FAM3B: variants seen among roughly 807,000 people sequenced by gnomAD.
FAM3B encodes the protein FAM3 metabolism regulating signaling molecule B.
FAM3B carries 29 observed loss-of-function variants against 28.4 expected under a neutral mutation model. That is an observed-to-expected ratio of 1.02 (90% CI 0.76 to 1.39). FAM3B has a LOEUF of 1.39. Among genes scored for constraint, FAM3B ranks in the 40% most tolerant of loss-of-function variants. FAM3B has a pLI of 0.00. For missense variants in FAM3B, 266 were observed against 293.9 expected (o/e 0.91, Z 0.69); for synonymous variants, 91 against 103.0 (o/e 0.88, Z 0.71).
chr21:41,345,830 GTC>G (rs2089053774), intron 5 of FAM3B, 94 bp downstream of exon 5: 1 of 841,724 alleles, frequency 1.2e-6, no homozygotes, highest in Non-Finnish European at 2.0e-6. Context: ...TTTTTATTTT[GTC>G]TACTAGAAAA....
chr21:41,349,238 G>A (rs994567190), intron 7 of FAM3B, among the ~76,000 whole-genome samples: 4 of 152,176 alleles, frequency 2.6e-5, no homozygotes, highest in Non-Finnish European at 5.9e-5. Context: ...AAAGAATGGC[G>A]TTCTCACTTA....
chr21:41,321,400 G>T (rs1219595502), intron 1 of FAM3B, among the ~76,000 whole-genome samples: 2 of 152,210 alleles, frequency 1.3e-5, no homozygotes, highest in African/African-American at 2.4e-5. Flanking sequence ...GCGCCCGCAG[G>T]TGGCTGAGCA....
chr21:41,338,139 G>A (rs577389988), intron 2 of FAM3B, among the ~76,000 whole-genome samples: 23 of 151,686 alleles, frequency 1.5e-4, no homozygotes, highest in Non-Finnish European at 2.8e-4. Flanking sequence ...AAATTGTTAC[G>A]CCTACTCAGT....
At chr21:41,355,741 T>C (rs2089159522) in intron 7 of FAM3B, among the ~76,000 whole-genome samples, 1 of 152,188 alleles carries the variant, frequency 6.6e-6, no homozygotes, top group Non-Finnish European at 1.5e-5. Context: ...TGAAAATGTT[T>C]TAAAATTGAC....
chr21:41,352,076 G>C (rs749686152), intron 7 of FAM3B, among the ~76,000 whole-genome samples: 2 of 152,172 alleles, frequency 1.3e-5, no homozygotes, highest in Non-Finnish European at 2.9e-5. Context: ...CATGGTCTGA[G>C]TCTTGTCTCT....
At position 41,344,415 on chromosome 21, in the gene FAM3B, T is replaced by C. The variant is rs559354467; in HGVS notation, c.288-61T>C. On this transcript the variant is annotated intron_variant, in intron 3 of 7. Transcript: ENST00000357985. ...ACTGACATTTGGTCAGGCGAAGACT[T>C]CGCGGAGCGGGGAGAGTCGCACGCC... 1.6e-4 allele frequency: 231 copies of C among 1,464,452 alleles called. No individual in the cohort carries two copies. In the African/African-American group the frequency reaches 2.7e-3, roughly 17 times the overall value. The allele number at this position is 1,464,452 out of a possible 1,614,324, so 90.7% of individuals were successfully genotyped here.
At chr21:41,327,471 C>G (rs2088863828) in intron 2 of FAM3B, among the ~76,000 whole-genome samples, 1 of 152,194 alleles carries the variant, frequency 6.6e-6, no homozygotes, top group South Asian at 2.1e-4. Context: ...ATATTTATAC[C>G]AGTTTAGTTG....
chr21:41,326,785 T>C lies in FAM3B; in HGVS notation c.163+3719T>C, dbSNP rs117110779. On this transcript the variant is annotated intron_variant, in intron 2 of 7. Transcript: ENST00000357985. The surrounding 1 kb of genome is among the most constrained non-coding windows in gnomAD (Gnocchi z 4.0). ...GGCAGGCCTGTGTAGTAGGCCTGTGTACCCTGAGCCCCAGCCCCTGAGGCA... is the reference window on the plus strand; with the variant it reads ...GGCAGGCCTGTGTAGTAGGCCTGTGCACCCTGAGCCCCAGCCCCTGAGGCA... Among the ~76,000 whole-genome samples, 1,227 of 152,314 alleles carry C rather than the reference T, an allele frequency of 8.1e-3. 9 individuals carry two copies. Among genetic ancestry groups the C allele is most frequent in the African/African-American group, 0.023 (943 of 41,582 alleles).
chr21:41,332,438 G>A (rs540402265), intron 2 of FAM3B, among the ~76,000 whole-genome samples: 2 of 152,194 alleles, frequency 1.3e-5, no homozygotes, highest in South Asian at 4.1e-4. Context: ...ATTTTGTTGA[G>A]GAATTTGGCA....
At chr21:41,329,297 A>T (rs2088883488) in intron 2 of FAM3B, among the ~76,000 whole-genome samples, 1 of 152,208 alleles carries the variant, frequency 6.6e-6, no homozygotes. Context: ...ATTGTGTGTC[A>T]TTTTGATTAG....
At chr21:41,333,192 T>C (rs1327547358) in intron 2 of FAM3B, among the ~76,000 whole-genome samples, 1 of 152,014 alleles carries the variant, frequency 6.6e-6, no homozygotes, top group African/African-American at 2.4e-5. Context: ...CTTTGATCCA[T>C]TAGCCGTTCA....
At chr21:41,335,293 C>A (rs2088945326) in intron 2 of FAM3B, among the ~76,000 whole-genome samples, 1 of 152,092 alleles carries the variant, frequency 6.6e-6, no homozygotes, top group Admixed American at 6.5e-5. Flanking sequence ...GGACCAGGGG[C>A]AAAATGATGT....
intron 7 of FAM3B, among the ~76,000 whole-genome samples, chr21:41,353,847 G>A (rs551910892): frequency 7.2e-5 from 11 of 152,184 alleles, no homozygotes; most frequent in East Asian, 1.9e-4. Flanking sequence ...AGAAACTATC[G>A]AGTAAACAGA....
chr21:41,356,042 C>CAT (rs36028769), intron 7 of FAM3B, among the ~76,000 whole-genome samples: 1,217 of 76,342 alleles, frequency 0.016, 7 homozygotes, highest in African/African-American at 0.042. Context: ...AAAATACATA[C>CAT]ACACACACAC....
chr21:41,317,285 C>T (rs1367458462), intron 1 of FAM3B, among the ~76,000 whole-genome samples: 1 of 149,922 alleles, frequency 6.7e-6, no homozygotes, highest in Non-Finnish European at 1.5e-5. Flanking sequence ...CACGCTTCTC[C>T]TTCCGGGGAA....
intron 1 of FAM3B, among the ~76,000 whole-genome samples, chr21:41,308,540 T>G (rs56321328): frequency 7.3e-6 from 1 of 136,844 alleles, no homozygotes; most frequent in Non-Finnish European, 1.5e-5. Flanking sequence ...CTTTTCTTTT[T>G]TTTTTTTTTT....
intron 2 of FAM3B, 136 bp downstream of exon 2, chr21:41,323,202 G>A (rs1005903175): frequency 1.4e-5 from 17 of 1,233,348 alleles, no homozygotes; most frequent in Admixed American, 2.2e-5. Flanking sequence ...GAAGCATTTT[G>A]CAGTTACTCA....
intron 2 of FAM3B, among the ~76,000 whole-genome samples, chr21:41,334,331 A>G (rs985323255): frequency 6.6e-6 from 1 of 152,216 alleles, no homozygotes; most frequent in African/African-American, 2.4e-5. Flanking sequence ...AGACCTTTGC[A>G]GCTGCCCCTC....
chr21:41,309,451 G>T (rs561627587), intron 1 of FAM3B, among the ~76,000 whole-genome samples: 3 of 152,270 alleles, frequency 2.0e-5, no homozygotes, highest in East Asian at 3.9e-4. Flanking sequence ...TCCCATGCTG[G>T]CCACGAGCAT....
Sources: gnomAD v4.1 joint callset for allele counts (sites outside exome capture counted in the v4.1 genomes callset) on GRCh38, gnomAD v4.1.1 for gene constraint, Gnocchi (gnomAD v3.1) non-coding constraint, MANE v1.5 for transcripts, NCBI Gene and HGNC (gene_info 2026-07-23, HGNC 2026-07-21) for gene names.